The following FAM3B variants were observed in gnomAD, a reference collection of about 807,000 sequenced individuals.
FAM3B encodes FAM3 metabolism regulating signaling molecule B.
Under a neutral mutation model 28.4 loss-of-function variants are expected in FAM3B, and 29 were observed. The ratio of observed to expected loss-of-function variants is 1.02; its 90% CI spans 0.76 to 1.39. FAM3B has a LOEUF of 1.39. Ranked by LOEUF, FAM3B falls within the 40% of genes most tolerant of loss-of-function variation. The probability of loss-of-function intolerance (pLI) is 0.00; values close to 1 mark genes in which losing one functional copy is unlikely to be tolerated. For missense variants in FAM3B, 266 were observed against 293.9 expected, an observed-to-expected ratio of 0.91 and a Z score of 0.69; for synonymous variants, 91 against 103.0, an observed-to-expected ratio of 0.88 and a Z score of 0.71.
chr21:41,314,170 C>T (rs1056174895), upstream of FAM3B, among the ~76,000 whole-genome samples: 11 of 152,190 alleles, frequency 7.2e-5, no homozygotes, highest in Admixed American at 3.3e-4. Flanking sequence ...CACCAGAGCC[C>T]TCACTTCTTC....
intron 1 of FAM3B, among the ~76,000 whole-genome samples, chr21:41,305,485 G>A (rs1380942268): frequency 6.6e-6 from 1 of 152,016 alleles, no homozygotes; most frequent in Non-Finnish European, 1.5e-5. Flanking sequence ...CTTTCTCAAA[G>A]GATTTGTGCT....
At chr21:41,350,366 T>C (rs1005181310) in intron 7 of FAM3B, among the ~76,000 whole-genome samples, 1 of 152,190 alleles carries the variant, frequency 6.6e-6, no homozygotes, top group East Asian at 1.9e-4. Flanking sequence ...CTGTGTGGTC[T>C]TGGAAAGTTA....
chr21:41,333,612 A>G (rs1192743704), intron 2 of FAM3B, among the ~76,000 whole-genome samples: 2 of 152,226 alleles, frequency 1.3e-5, no homozygotes, highest in Non-Finnish European at 2.9e-5. Context: ...GAGACAATTA[A>G]AACCCTTTTC....
At chr21:41,348,843 TC>T in intron 7 of FAM3B, 119 bp downstream of exon 7, 1 of 1,117,372 alleles carries the variant, frequency 8.9e-7, no homozygotes, top group Non-Finnish European at 1.3e-6. Flanking sequence ...GTCAGCTGTT[TC>T]CATGAGATCA....
chr21:41,344,554 C>A lies in FAM3B; in HGVS notation c.346+20C>A. On this transcript the variant is annotated intron_variant, in intron 4 of 7. Coordinates refer to ENST00000357985, the MANE Select transcript of FAM3B (RefSeq NM_058186.4). ...TCAACTGTAAGTTACTAAACATTTT[C>A]TTTAAACTTCTCTAAAAGCTCTCTG... 1 of 1,603,828 alleles carries A rather than the reference C, an allele frequency of 6.2e-7. No homozygotes were observed. The highest frequency in any genetic ancestry group is 1.1e-5 in the South Asian group (1 of 90,842).
intron 1 of FAM3B, 118 bp from the exon 2 acceptor site, chr21:41,322,805 T>G: frequency 6.6e-7 from 1 of 1,505,956 alleles, no homozygotes. Flanking sequence ...GCACAGTGCC[T>G]ATAGCGCAGT....
chr21:41,355,494 C>T (rs189025880), intron 7 of FAM3B, among the ~76,000 whole-genome samples: 154 of 152,112 alleles, frequency 1.0e-3, no homozygotes, highest in African/African-American at 3.0e-3. Context: ...TATTCAAATA[C>T]GTAAAGAAAT....
At chr21:41,328,547 T>C (rs2145806245) in intron 2 of FAM3B, among the ~76,000 whole-genome samples, 1 of 152,200 alleles carries the variant, frequency 6.6e-6, no homozygotes, top group Admixed American at 6.5e-5. Context: ...TTCACCACTT[T>C]GGCCAGGCTG....
intron 2 of FAM3B, among the ~76,000 whole-genome samples, chr21:41,335,325 CA>C (rs1458080753): frequency 6.6e-6 from 1 of 152,184 alleles, no homozygotes; most frequent in East Asian, 1.9e-4. Context: ...GTGTCCCCAG[CA>C]AAATCTCATG....
At chr21:41,354,558 C>A (rs2089148360) in intron 7 of FAM3B, among the ~76,000 whole-genome samples, 1 of 152,114 alleles carries the variant, frequency 6.6e-6, no homozygotes, top group Non-Finnish European at 1.5e-5. Context: ...AGGCCATTAT[C>A]CTTAGCAAAC....
chr21:41,355,541 G>A (rs1402030860), intron 7 of FAM3B, among the ~76,000 whole-genome samples: 1 of 144,052 alleles, frequency 6.9e-6, no homozygotes, highest in Non-Finnish European at 1.5e-5. Flanking sequence ...GATGAACCTT[G>A]AAAACAGGCT....
intron 5 of FAM3B, 72 bp from the exon 6 acceptor site, chr21:41,346,941 G>A: frequency 1.5e-6 from 2 of 1,333,214 alleles, no homozygotes; most frequent in Admixed American, 3.4e-5. Context: ...AGGTGCAGGA[G>A]GAAGCCCAGC....
chr21:41,311,294 A>G (rs1382120672), intron 1 of FAM3B, among the ~76,000 whole-genome samples: 9 of 99,496 alleles, frequency 9.0e-5, no homozygotes, highest in East Asian at 3.2e-4. Flanking sequence ...ATATATATAT[A>G]TATGTATATA....
intron 1 of FAM3B, among the ~76,000 whole-genome samples, chr21:41,311,247 AAAAAATATATATATATAT>A (rs1202801321): frequency 3.2e-5 from 2 of 63,448 alleles, no homozygotes; most frequent in Admixed American, 2.2e-4. Context: ...AAAAAAAAAA[AAAAAATATATATATATAT>A]ATATATATAT....
intron 3 of FAM3B, among the ~76,000 whole-genome samples, chr21:41,341,298 T>A (rs990104000): frequency 6.6e-6 from 1 of 152,258 alleles, no homozygotes. Context: ...TTACCAGTAA[T>A]GCTGCAATAA....
intron 7 of FAM3B, among the ~76,000 whole-genome samples, chr21:41,349,932 C>T (rs1041043872): frequency 7.2e-5 from 11 of 152,014 alleles, no homozygotes; most frequent in African/African-American, 2.7e-4. Context: ...CTGGCCTCGA[C>T]CCCTCCTTGC....
rs375799000 is a variant in FAM3B, at chr21:41,304,245, C to T, written n.34C>T. The T allele has an allele frequency of 2.4e-4, 111 of 455,876 alleles. 1 individual carries two copies. Among genetic ancestry groups the T allele is most frequent in the African/African-American group, 1.9e-3 (96 of 50,176 alleles). The allele number at this position is 455,876 out of a possible 1,614,324, so 28.2% of individuals were successfully genotyped here. On this transcript the variant is annotated non_coding_transcript_exon_variant, in exon 1 of 10. Coordinates refer to the FAM3B transcript ENST00000479810. Reference sequence around the variant, plus strand: ...TGCGCGGGCGCCTGGCTGGGCTCGGCGGGCATGGCTGGGGCACCCTGGCGC... The same window carrying T: ...TGCGCGGGCGCCTGGCTGGGCTCGGTGGGCATGGCTGGGGCACCCTGGCGC...
chr21:41,348,631 A>T lies in FAM3B; in HGVS notation c.525A>T (p.Gly175=). The change falls in exon 7 of 8, where the codon GGA becomes GGT. Residue 175 remains glycine, a synonymous_variant. Coordinates refer to ENST00000357985, the MANE Select transcript of FAM3B (RefSeq NM_058186.4). ...NDAKNAIEAL[G]SKEIRNMKFR... is the part of the protein sequence containing the mutation. ...CCAAGAATGCCATAGAAGCACTTGG[A>T]AGTAAAGAAATCAGGAACATGAAAT... 6.2e-7 allele frequency: 1 copy of T among 1,614,228 alleles called. No homozygotes were observed. Among genetic ancestry groups the T allele is most frequent in the Non-Finnish European group, 8.5e-7 (1 of 1,180,026 alleles).
chr21:41,325,480 T>C (rs80091184), intron 2 of FAM3B, among the ~76,000 whole-genome samples: 4,360 of 152,296 alleles, frequency 0.029, 198 homozygotes, highest in African/African-American at 0.099. Flanking sequence ...ATCTTCCTCA[T>C]TTATAGGAGT....
Sources: gnomAD v4.1 joint callset for allele counts (sites outside exome capture counted in the v4.1 genomes callset) on GRCh38, gnomAD v4.1.1 for gene constraint, MANE v1.5 for transcripts, NCBI Gene and HGNC (gene_info 2026-07-23, HGNC 2026-07-21) for gene names.